The following TRAPPC9 variants were observed in gnomAD, a reference collection of about 807,000 sequenced individuals.
The protein encoded by TRAPPC9 is IKK2 binding protein.
Under a neutral mutation model 124.0 loss-of-function variants are expected in TRAPPC9, and 83 were observed. The observed-to-expected ratio is 0.67, with a 90% confidence interval of 0.56 to 0.80. The LOEUF is 0.80. Ranked by LOEUF, TRAPPC9 falls within the 30% of genes least tolerant of loss-of-function variation. TRAPPC9 has a pLI of 0.00. For missense variants in TRAPPC9, 1,302 were observed against 1,508.3 expected (o/e 0.86, Z 2.27); for synonymous variants, 638 against 617.5 (o/e 1.03, Z -0.49).
At chr8:139,899,859 G>T (rs1830910559) in intron 20 of TRAPPC9, among the ~76,000 whole-genome samples, 1 of 152,160 alleles carries the variant, frequency 6.6e-6, no homozygotes, top group African/African-American at 2.4e-5. Context: ...GCAGGAGGCT[G>T]GGAGAGAAAG....
rs527775645 is a variant in TRAPPC9, at chr8:139,774,050, A to C, written c.3056-41848T>G. 7.2e-5 allele frequency among the ~76,000 whole-genome samples: 11 copies of C among 152,270 alleles called. 1 individual carries two copies. In the South Asian group the frequency reaches 2.1e-3, roughly 29 times the overall value. ...GGACCAGGAGCCTGGGGAAGGCTGGAGCTGCAGGCTGCTGAGAGCGCAGTG... is the reference window on the plus strand; with the variant it reads ...GGACCAGGAGCCTGGGGAAGGCTGGCGCTGCAGGCTGCTGAGAGCGCAGTG... On this transcript the variant is annotated intron_variant, in intron 21 of 22. Transcript: ENST00000438773.
chr8:140,184,504 C>T (rs2062306761), intron 17 of TRAPPC9, among the ~76,000 whole-genome samples: 1 of 152,124 alleles, frequency 6.6e-6, no homozygotes, highest in African/African-American at 2.4e-5. Flanking sequence ...GCCACAACCT[C>T]GGCTCACTGC....
In TRAPPC9 at chr8:140,252,670, G is replaced by T; in HGVS notation, c.2431+107C>A. On this transcript the variant is annotated intron_variant, in intron 16 of 22. Transcript: ENST00000438773. The surrounding 1 kb of genome is among the most constrained non-coding windows in gnomAD (Gnocchi z 4.2). ...GATGTCTCAGGCAGCTTGAGTTAATGAATGACAAGTGAGTTACAAACAGCA... is the reference window on the plus strand; with the variant it reads ...GATGTCTCAGGCAGCTTGAGTTAATTAATGACAAGTGAGTTACAAACAGCA... 1 of 1,355,654 alleles carries T rather than the reference G, an allele frequency of 7.4e-7. No homozygotes were observed. The highest frequency in any genetic ancestry group is 1.0e-6 in the Non-Finnish European group (1 of 960,758). 84.0% of individuals were successfully genotyped at this position (1,355,654 alleles called of 1,614,324 possible). A position where few individuals can be genotyped will look rare whatever the true frequency, so the allele number is the denominator to read the frequency against.
chr8:140,278,996 T>C (rs1041553129), intron 14 of TRAPPC9, among the ~76,000 whole-genome samples: 1 of 152,242 alleles, frequency 6.6e-6, no homozygotes, highest in Admixed American at 6.5e-5. Flanking sequence ...ATCACAGCGC[T>C]GAATTCTCCT....
chr8:140,132,728 T>C (rs1057431822), intron 17 of TRAPPC9, among the ~76,000 whole-genome samples: 5 of 152,116 alleles, frequency 3.3e-5, no homozygotes, highest in African/African-American at 1.2e-4. Flanking sequence ...GACAGGGTCA[T>C]GCAGAATGCC....
intron 17 of TRAPPC9, among the ~76,000 whole-genome samples, chr8:140,189,817 G>C (rs774656270): frequency 1.3e-5 from 2 of 152,168 alleles, no homozygotes; most frequent in African/African-American, 2.4e-5. Flanking sequence ...CTGGTTTTCA[G>C]CTCTCTCTAT....
chr8:139,827,232 C>T (rs1442892828), intron 21 of TRAPPC9, among the ~76,000 whole-genome samples: 1 of 152,236 alleles, frequency 6.6e-6, no homozygotes, highest in Admixed American at 6.5e-5. Context: ...GGTAGTGGCT[C>T]CCTGTGCCTG....
At position 140,357,355 on chromosome 8, in the gene TRAPPC9, G is replaced by A. The variant is rs554029036; in HGVS notation, c.1495+2695C>T. Among the ~76,000 whole-genome samples the A allele has an allele frequency of 3.7e-4, 56 of 152,196 alleles. No homozygotes were observed. The South Asian group carries it at 0.011, about 30-fold the overall frequency. On this transcript the variant is annotated intron_variant, in intron 9 of 22. Coordinates refer to ENST00000438773, the MANE Select transcript of TRAPPC9 (RefSeq NM_001160372.4). ...CAGCAGGCGAAGGAGTGACACTGAC[G>A]GCTCAGGCGAAGGGCTCAGGGCCGT... is the stretch of plus-strand genomic sequence containing the variant.
chr8:140,033,756 A>T (rs1840702955), intron 17 of TRAPPC9, among the ~76,000 whole-genome samples: 1 of 129,546 alleles, frequency 7.7e-6, no homozygotes, highest in African/African-American at 3.0e-5. Context: ...ATCTCAGCTC[A>T]CTGCAACCTC....
intron 17 of TRAPPC9, among the ~76,000 whole-genome samples, chr8:140,032,711 T>C (rs770569896): frequency 6.6e-6 from 1 of 152,232 alleles, no homozygotes; most frequent in Non-Finnish European, 1.5e-5. Context: ...CATACATAAG[T>C]TGCTTTCCAT....
chr8:139,834,010 C>G (rs536767231), intron 21 of TRAPPC9, among the ~76,000 whole-genome samples: 1 of 152,302 alleles, frequency 6.6e-6, no homozygotes, highest in East Asian at 1.9e-4. Context: ...CAACCCCTAC[C>G]AGCCACGTGG....
chr8:140,454,216 G>A (rs1039212900), intron 1 of TRAPPC9, among the ~76,000 whole-genome samples: 4 of 152,100 alleles, frequency 2.6e-5, no homozygotes, highest in African/African-American at 9.7e-5. Flanking sequence ...TTGAACTCAG[G>A]AGGTGGAGGA....
At chr8:139,956,401 T>A (rs1834987028) in intron 19 of TRAPPC9, among the ~76,000 whole-genome samples, 1 of 152,136 alleles carries the variant, frequency 6.6e-6, no homozygotes, top group African/African-American at 2.4e-5. Flanking sequence ...GACCTTGTGA[T>A]CCGCCCACCT....
chr8:139,886,816 T>C (rs1200149390), intron 20 of TRAPPC9, among the ~76,000 whole-genome samples: 1 of 152,168 alleles, frequency 6.6e-6, no homozygotes, highest in Non-Finnish European at 1.5e-5. Context: ...ACCCTGAAGC[T>C]GAGAGGTTCC....
intron 17 of TRAPPC9, among the ~76,000 whole-genome samples, chr8:140,220,177 G>A (rs571850274): frequency 1.3e-5 from 2 of 152,180 alleles, no homozygotes; most frequent in East Asian, 1.9e-4. Context: ...AACACGCAGC[G>A]CCAGGGGAGG....
intron 6 of TRAPPC9, among the ~76,000 whole-genome samples, chr8:140,404,926 G>GTGTGTGTGTT (rs2069437570): frequency 1.3e-5 from 2 of 152,114 alleles, no homozygotes; most frequent in South Asian, 4.2e-4. Context: ...GTGTGTGTGT[G>GTGTGTGTGTT]TGTGTGTGTG....
At chr8:140,383,534 G>A (rs933317572) in intron 7 of TRAPPC9, among the ~76,000 whole-genome samples, 2 of 152,176 alleles carry the variant, frequency 1.3e-5, no homozygotes, top group South Asian at 2.1e-4. Context: ...TTCAGTAGCC[G>A]ATTCGATCAA....
chr8:139,926,974 T>C (rs1446495215), intron 19 of TRAPPC9, among the ~76,000 whole-genome samples: 2 of 152,128 alleles, frequency 1.3e-5, no homozygotes, highest in Non-Finnish European at 2.9e-5. Flanking sequence ...TAATATGAAC[T>C]CAAACAACCT....
chr8:139,885,628 G>A (rs1320681238), intron 21 of TRAPPC9, among the ~76,000 whole-genome samples: 1 of 152,248 alleles, frequency 6.6e-6, no homozygotes, highest in African/African-American at 2.4e-5. Context: ...TTCAACGGGC[G>A]ATGAGCCCTT....
Sources: allele counts gnomAD v4.1 joint callset (sites outside exome capture counted in the v4.1 genomes callset), GRCh38; gene constraint gnomAD v4.1.1; non-coding constraint Gnocchi (gnomAD v3.1); transcripts MANE v1.5; gene names NCBI Gene and HGNC (gene_info 2026-07-23, HGNC 2026-07-21).